Variants in DIP2C observed in about 807,000 individuals in gnomAD.
DIP2C encodes DIP2 acetate--CoA ligase C (putative).
Under a neutral mutation model 192.4 loss-of-function variants are expected in DIP2C, and 33 were observed. That is an observed-to-expected ratio of 0.17 (90% CI 0.13 to 0.23). The LOEUF (loss-of-function observed/expected upper bound fraction) is 0.23. DIP2C is among the 10% of genes least tolerant of loss of function. The pLI, the probability that DIP2C is intolerant of heterozygous loss-of-function variation, is 1.00. For missense variants in DIP2C, 1,537 were observed against 2,110.1 expected (o/e 0.73, Z 5.32); for synonymous variants, 979 against 864.1 (o/e 1.13, Z -2.33).
At chr10:279,760 G>A (rs1382002702) in intron 36 of DIP2C, among the ~76,000 whole-genome samples, 1 of 152,216 alleles carries the variant, frequency 6.6e-6, no homozygotes, top group Non-Finnish European at 1.5e-5. Context: ...GGGCATGTGA[G>A]CCCCTGACCC....
chr10:373,340 CACAT>C (rs1473445756), intron 17 of DIP2C, among the ~76,000 whole-genome samples: 7 of 152,276 alleles, frequency 4.6e-5, no homozygotes, highest in African/African-American at 1.7e-4. Flanking sequence ...CACAAATAAC[CACAT>C]ACAGATTTTT....
At chr10:548,499 G>A (rs1848419419) in intron 1 of DIP2C, among the ~76,000 whole-genome samples, 1 of 145,400 alleles carries the variant, frequency 6.9e-6, no homozygotes, top group Non-Finnish European at 1.5e-5. Context: ...CAGAGGTGAT[G>A]TGGCCAGGAG....
chr10:291,353 A>G (rs1333626380), intron 32 of DIP2C, among the ~76,000 whole-genome samples: 3 of 152,252 alleles, frequency 2.0e-5, no homozygotes, highest in Non-Finnish European at 4.4e-5. Flanking sequence ...AAACAGGCAC[A>G]GGGTGCTAAA....
At chr10:662,289 T>A (rs1401796032) in intron 1 of DIP2C, among the ~76,000 whole-genome samples, 1 of 152,236 alleles carries the variant, frequency 6.6e-6, no homozygotes, top group Non-Finnish European at 1.5e-5. Flanking sequence ...AAACGCTAAG[T>A]GAATACGCAC....
chr10:368,477 G>A (rs910018043), intron 18 of DIP2C, among the ~76,000 whole-genome samples: 1 of 152,246 alleles, frequency 6.6e-6, no homozygotes, highest in Non-Finnish European at 1.5e-5. Context: ...AGAGCTGCGG[G>A]GATGCTGGAG....
At chr10:473,465 A>G (rs1183463423) in intron 2 of DIP2C, among the ~76,000 whole-genome samples, 1 of 151,726 alleles carries the variant, frequency 6.6e-6, no homozygotes, top group African/African-American at 2.4e-5. Flanking sequence ...TCATCCCCAC[A>G]GTTCTGTGAA....
At chr10:496,280 C>G (rs1844827484) in intron 1 of DIP2C, among the ~76,000 whole-genome samples, 7 of 149,684 alleles carry the variant, frequency 4.7e-5, no homozygotes, top group Admixed American at 4.0e-4. Context: ...CTTAAAATCT[C>G]TACATTACTC....
intron 17 of DIP2C, among the ~76,000 whole-genome samples, chr10:381,262 G>A (rs769661655): frequency 5.3e-5 from 8 of 152,184 alleles, no homozygotes; most frequent in Non-Finnish European, 1.0e-4. Flanking sequence ...TGCATCATAT[G>A]CATGATAACG....
intron 1 of DIP2C, among the ~76,000 whole-genome samples, chr10:548,218 C>CCCCCCCCCA (rs1282724092): frequency 7.7e-6 from 1 of 130,402 alleles, no homozygotes. Flanking sequence ...ACCCCCCCCC[C>CCCCCCCCCA]CACAGGAAAG....
At chr10:333,146 A>AC (rs911272707) in intron 29 of DIP2C, among the ~76,000 whole-genome samples, 3 of 151,984 alleles carry the variant, frequency 2.0e-5, no homozygotes, top group Non-Finnish European at 2.9e-5. Flanking sequence ...CAAGTGATCC[A>AC]CCCACCTCAG....
At chr10:610,388 A>G (rs1324975792) in intron 1 of DIP2C, among the ~76,000 whole-genome samples, 1 of 152,190 alleles carries the variant, frequency 6.6e-6, no homozygotes, top group East Asian at 1.9e-4. Flanking sequence ...ATAAACCAGC[A>G]GGGGAATGTC....
At chr10:534,576 A>T (rs1847588628) in intron 1 of DIP2C, among the ~76,000 whole-genome samples, 1 of 152,194 alleles carries the variant, frequency 6.6e-6, no homozygotes, top group Admixed American at 6.5e-5. Flanking sequence ...ACGCCAACAC[A>T]GGAAACTGAA....
intron 36 of DIP2C, among the ~76,000 whole-genome samples, chr10:279,378 CGGAGGAATCAGCTTGGCTCTCT>C (rs565949863): frequency 7.2e-5 from 11 of 152,266 alleles, no homozygotes; most frequent in African/African-American, 2.4e-4. Context: ...CTTGGCTCTC[CGGAGGAATCAGCTTGGCTCTCT>C]GGAGGAACAG....
chr10:394,132 T>C (rs1168991327), intron 10 of DIP2C, among the ~76,000 whole-genome samples: 1 of 152,242 alleles, frequency 6.6e-6, no homozygotes, highest in Non-Finnish European at 1.5e-5. Context: ...TGGAGTGTTA[T>C]CCACAAGGGT....
intron 1 of DIP2C, among the ~76,000 whole-genome samples, chr10:563,362 C>T (rs979819160): frequency 6.6e-6 from 1 of 152,164 alleles, no homozygotes; most frequent in African/African-American, 2.4e-5. Context: ...TTTCCCCGAT[C>T]CTTTAAAAAA....
chr10:357,031 G>C (rs1455331019), intron 23 of DIP2C, among the ~76,000 whole-genome samples: 1 of 152,222 alleles, frequency 6.6e-6, no homozygotes, highest in Admixed American at 6.5e-5. Context: ...GTGTGCTACT[G>C]AGCTGGTCCA....
chr10:537,441 CTT>C (rs946720639), intron 1 of DIP2C, among the ~76,000 whole-genome samples: 2 of 152,204 alleles, frequency 1.3e-5, no homozygotes, highest in East Asian at 1.9e-4. Context: ...CAATTCGCCT[CTT>C]TTCTTCCCAC....
At chr10:421,916 C>T (rs758936261) in intron 5 of DIP2C, among the ~76,000 whole-genome samples, 8 of 152,182 alleles carry the variant, frequency 5.3e-5, no homozygotes, top group Non-Finnish European at 1.2e-4. Flanking sequence ...GGGGCTGAGA[C>T]CCAAGTCAAT....
intron 1 of DIP2C, among the ~76,000 whole-genome samples, chr10:562,999 G>C (rs1849297093): frequency 6.6e-6 from 1 of 152,228 alleles, no homozygotes. Context: ...AATCCTCCTA[G>C]CTGAGCAGCA....
Sources: gnomAD v4.1 joint callset for allele counts (sites outside exome capture counted in the v4.1 genomes callset) on GRCh38, gnomAD v4.1.1 for gene constraint, MANE v1.5 for transcripts, NCBI Gene and HGNC (gene_info 2026-07-23, HGNC 2026-07-21) for gene names.